RBFOX1: variants seen among roughly 807,000 people sequenced by gnomAD.
The protein encoded by RBFOX1 is RNA binding fox-1 homolog 1.
In RBFOX1, 8 loss-of-function variants were observed where a neutral mutation model predicts 57.7. That is an observed-to-expected ratio of 0.14 (90% CI 0.08 to 0.25). RBFOX1 has a LOEUF of 0.25. RBFOX1 is among the 10% of genes least tolerant of loss of function. RBFOX1 has a pLI of 1.00. For missense variants in RBFOX1, 611 were observed against 548.5 expected (o/e 1.11, Z -1.14); for synonymous variants, 326 against 222.4 (o/e 1.47, Z -4.15).
chr16:6,768,538 C>G (rs1026062947), intron 3 of RBFOX1, among the ~76,000 whole-genome samples: 2 of 151,504 alleles, frequency 1.3e-5, no homozygotes, highest in Non-Finnish European at 2.9e-5. Context: ...TATACATTGA[C>G]AAAAATATTT....
intron 2 of RBFOX1, among the ~76,000 whole-genome samples, chr16:6,628,784 T>C (rs2154055408): frequency 6.6e-6 from 1 of 152,318 alleles, no homozygotes; most frequent in Non-Finnish European, 1.5e-5. Context: ...GAACTGTCAT[T>C]CTTCCAAAGT....
intron 3 of RBFOX1, among the ~76,000 whole-genome samples, chr16:7,012,947 G>A (rs1006120937): frequency 6.6e-6 from 1 of 152,120 alleles, no homozygotes; most frequent in Non-Finnish European, 1.5e-5. Flanking sequence ...TCTCTTTGTG[G>A]TTGGCAGATG....
chr16:7,293,735 C>T (rs1200635189), intron 4 of RBFOX1, among the ~76,000 whole-genome samples: 3 of 152,154 alleles, frequency 2.0e-5, no homozygotes, highest in African/African-American at 7.2e-5. Flanking sequence ...CCCGATACAT[C>T]CCCAGTGTCA....
At chr16:5,528,748 C>A (rs1043718208) in intron 2 of RBFOX1, among the ~76,000 whole-genome samples, 1 of 151,776 alleles carries the variant, frequency 6.6e-6, no homozygotes, top group African/African-American at 2.4e-5. Flanking sequence ...CTCCCAGGTT[C>A]AAGCGATTCT....
At chr16:7,490,049 G>T (rs909349031) in intron 4 of RBFOX1, among the ~76,000 whole-genome samples, 1 of 152,150 alleles carries the variant, frequency 6.6e-6, no homozygotes, top group African/African-American at 2.4e-5. Flanking sequence ...GTTTCTCTGT[G>T]ATTGCTCCCC....
intron 4 of RBFOX1, among the ~76,000 whole-genome samples, chr16:7,383,819 G>T (rs1198835972): frequency 6.6e-6 from 1 of 152,086 alleles, no homozygotes; most frequent in African/African-American, 2.4e-5. Flanking sequence ...TACTTTGGGA[G>T]GCCGAGGCGG....
intron 4 of RBFOX1, among the ~76,000 whole-genome samples, chr16:7,453,322 G>C (rs2057770946): frequency 6.6e-6 from 1 of 152,030 alleles, no homozygotes; most frequent in Admixed American, 6.6e-5. Context: ...ACATTAGTGA[G>C]TATGAGGAAT....
intron 4 of RBFOX1, among the ~76,000 whole-genome samples, chr16:7,267,839 G>A (rs1025856292): frequency 6.6e-6 from 1 of 152,192 alleles, no homozygotes; most frequent in Non-Finnish European, 1.5e-5. Context: ...CGGGGCAACA[G>A]AGTGAGACCC....
At chr16:6,075,867 C>G (rs772762985) in intron 1 of RBFOX1, among the ~76,000 whole-genome samples, 17 of 152,324 alleles carry the variant, frequency 1.1e-4, no homozygotes, top group Middle Eastern at 3.4e-3. Flanking sequence ...GCCTGCCAGT[C>G]ACTGTGCAGA....
At chr16:7,193,010 C>G (rs117587141) in intron 4 of RBFOX1, among the ~76,000 whole-genome samples, 4 of 152,142 alleles carry the variant, frequency 2.6e-5, no homozygotes, top group Non-Finnish European at 5.9e-5. Context: ...AAATAATGCC[C>G]TTGCCTTACC....
intron 4 of RBFOX1, among the ~76,000 whole-genome samples, chr16:7,174,187 T>C (rs1209921849): frequency 6.6e-6 from 1 of 151,906 alleles, no homozygotes; most frequent in Non-Finnish European, 1.5e-5. Flanking sequence ...TGATAAACTT[T>C]TTTTTTTCGT....
intron 3 of RBFOX1, among the ~76,000 whole-genome samples, chr16:6,839,718 C>A (rs2093352180): frequency 6.6e-6 from 1 of 152,162 alleles, no homozygotes; most frequent in Non-Finnish European, 1.5e-5. Flanking sequence ...GCACACGATT[C>A]TTCTTGTAAT....
At chr16:7,487,648 C>T (rs566219801) in intron 4 of RBFOX1, among the ~76,000 whole-genome samples, 16 of 152,192 alleles carry the variant, frequency 1.1e-4, no homozygotes, top group Non-Finnish European at 2.1e-4. Flanking sequence ...TATAGAAACA[C>T]GCACTGAGAC....
At chr16:5,294,707 G>A (rs2063619571) in intron 1 of RBFOX1, among the ~76,000 whole-genome samples, 1 of 151,986 alleles carries the variant, frequency 6.6e-6, no homozygotes, top group Admixed American at 6.5e-5. Flanking sequence ...TTTGTGTGCT[G>A]ACCACTGGGG....
At chr16:6,833,443 A>C (rs1269463960) in intron 3 of RBFOX1, among the ~76,000 whole-genome samples, 1 of 152,156 alleles carries the variant, frequency 6.6e-6, no homozygotes, top group East Asian at 1.9e-4. Context: ...TTGGGGTTAC[A>C]GGTGTGAACC....
chr16:5,965,622 G>A (rs2059828141), intron 4 of RBFOX1, among the ~76,000 whole-genome samples: 1 of 152,158 alleles, frequency 6.6e-6, no homozygotes, highest in Non-Finnish European at 1.5e-5. Flanking sequence ...CCTCCACAAA[G>A]CTTCAAAAGA....
chr16:7,453,243 A>C (rs2057749937), intron 4 of RBFOX1, among the ~76,000 whole-genome samples: 2 of 152,218 alleles, frequency 1.3e-5, no homozygotes, highest in South Asian at 4.2e-4. Flanking sequence ...AGGAGGTTAA[A>C]CAGAGAGGTA....
intron 2 of RBFOX1, among the ~76,000 whole-genome samples, chr16:6,642,687 G>GA (rs1260396635): frequency 6.6e-6 from 1 of 152,026 alleles, no homozygotes; most frequent in Non-Finnish European, 1.5e-5. Flanking sequence ...AAGTCAAGAT[G>GA]AAAAGCCTGC....
At chr16:6,372,489 G>C (rs1205001944) in intron 2 of RBFOX1, among the ~76,000 whole-genome samples, 1 of 151,826 alleles carries the variant, frequency 6.6e-6, no homozygotes, top group Non-Finnish European at 1.5e-5. Context: ...ATGGAATGGA[G>C]ATTGGGTGGA....
Sources: allele counts gnomAD v4.1 joint callset (sites outside exome capture counted in the v4.1 genomes callset), GRCh38; gene constraint gnomAD v4.1.1; transcripts MANE v1.5; gene names NCBI Gene and HGNC (gene_info 2026-07-23, HGNC 2026-07-21).